Variants in MAGI3 observed in about 807,000 individuals in gnomAD.
The protein encoded by MAGI3 is membrane associated guanylate kinase, WW and PDZ domain containing 3.
Under a neutral mutation model 121.8 loss-of-function variants are expected in MAGI3, and 43 were observed. That is an observed-to-expected ratio of 0.35 (90% CI 0.28 to 0.46). The LOEUF is 0.46. Among genes scored for constraint, MAGI3 ranks in the 20% least tolerant of loss-of-function variants. The pLI, the probability that MAGI3 is intolerant of heterozygous loss-of-function variation, is 1.00. For missense variants in MAGI3, 1,547 were observed against 1,797.3 expected (o/e 0.86, Z 2.52); for synonymous variants, 553 against 639.3 (o/e 0.86, Z 2.04).
At chr1:113,682,574 G>C in intron 20 of MAGI3, 1 of 1,216,224 alleles carries the variant, frequency 8.2e-7, no homozygotes, top group Non-Finnish European at 1.0e-6. Flanking sequence ...CACGTAATTT[G>C]GTTCAGCTTT....
chr1:113,605,477 A>C (rs1649699108), intron 6 of MAGI3, among the ~76,000 whole-genome samples: 1 of 152,158 alleles, frequency 6.6e-6, no homozygotes, highest in African/African-American at 2.4e-5. Flanking sequence ...ATGACTGGGG[A>C]GAGTAGAAGT....
chr1:113,427,643 A>C (rs1653079214), intron 1 of MAGI3, among the ~76,000 whole-genome samples: 1 of 152,148 alleles, frequency 6.6e-6, no homozygotes, highest in African/African-American at 2.4e-5. Flanking sequence ...CGTACCTTCC[A>C]AAGTTTTCTT....
chr1:113,416,660 G>A (rs1652468452), intron 1 of MAGI3, among the ~76,000 whole-genome samples: 1 of 150,152 alleles, frequency 6.7e-6, no homozygotes, highest in Non-Finnish European at 1.5e-5. Context: ...AACAAATCTT[G>A]AGATACAGAT....
intron 3 of MAGI3, among the ~76,000 whole-genome samples, chr1:113,584,974 T>TC (rs1208217963): frequency 1.4e-5 from 2 of 142,736 alleles, no homozygotes; most frequent in African/African-American, 2.6e-5. Flanking sequence ...TTCCTTTTTT[T>TC]TTTTTTTTTT....
chr1:113,662,875 C>CT (rs562903320), intron 16 of MAGI3, among the ~76,000 whole-genome samples: 3 of 151,164 alleles, frequency 2.0e-5, no homozygotes, highest in Non-Finnish European at 4.4e-5. Context: ...TAGCTGTTGT[C>CT]TTTTTTTTCT....
chr1:113,562,386 G>A (rs536320877), intron 2 of MAGI3, among the ~76,000 whole-genome samples: 6 of 152,136 alleles, frequency 3.9e-5, no homozygotes, highest in Middle Eastern at 3.4e-3. Flanking sequence ...CTGGGAGACC[G>A]CGAGACTCCA....
intron 1 of MAGI3, among the ~76,000 whole-genome samples, chr1:113,420,623 T>C (rs1455023178): frequency 1.3e-5 from 2 of 152,202 alleles, no homozygotes; most frequent in Non-Finnish European, 2.9e-5. Context: ...TATTTAATCT[T>C]ACACTTTTCC....
chr1:113,642,359 G>C lies in MAGI3; in HGVS notation c.1809G>C (p.Met603Ile). The C allele has an allele frequency of 6.2e-7, 1 of 1,614,150 alleles. No individual in the cohort carries two copies. Among genetic ancestry groups the C allele is most frequent in the Non-Finnish European group, 8.5e-7 (1 of 1,180,024 alleles). Residue 603 changes from methionine (M) to isoleucine (I), a missense_variant, in exon 10 of 21, where the codon ATG (methionine) becomes ATC (isoleucine). By Grantham distance (10) the Met-to-Ile change is conservative (BLOSUM62 1). Coordinates refer to ENST00000307546, the MANE Select transcript of MAGI3 (RefSeq NM_001142782.2). ...ADSPTGQKVK[M>I]ILDSQWCQGL... Reference sequence around the variant, plus strand: ...GCCCTACTGGACAGAAGGTGAAAATGATACTGGATAGTCAGTGGTGTCAAG... The same window carrying C: ...GCCCTACTGGACAGAAGGTGAAAATCATACTGGATAGTCAGTGGTGTCAAG...
intron 9 of MAGI3, among the ~76,000 whole-genome samples, chr1:113,634,526 T>G (rs1651875731): frequency 6.6e-6 from 1 of 152,208 alleles, no homozygotes; most frequent in Non-Finnish European, 1.5e-5. Context: ...CTCAGGTTTG[T>G]CGAAGATCAG....
intron 1 of MAGI3, among the ~76,000 whole-genome samples, chr1:113,523,114 C>G (rs1658282839): frequency 6.6e-6 from 1 of 152,326 alleles, no homozygotes; most frequent in Admixed American, 6.5e-5. Context: ...CACAAGCTCT[C>G]TTTTCTTTTC....
intron 1 of MAGI3, among the ~76,000 whole-genome samples, chr1:113,477,981 C>T (rs1339902742): frequency 1.3e-5 from 2 of 152,054 alleles, no homozygotes; most frequent in Admixed American, 6.6e-5. Flanking sequence ...TTAATTTGAC[C>T]TTCAATCACT....
intron 9 of MAGI3, among the ~76,000 whole-genome samples, chr1:113,634,113 T>TTCATTGTAGATTCTGGATATTAGC (rs1246267273): frequency 3.3e-5 from 5 of 152,322 alleles, no homozygotes; most frequent in African/African-American, 1.2e-4. Flanking sequence ...TTTGTTTGAG[T>TTCATTGTAGATTCTGGATATTAGC]TCATTGTAGA....
intron 1 of MAGI3, among the ~76,000 whole-genome samples, chr1:113,533,602 A>T (rs1658827125): frequency 6.6e-6 from 1 of 152,154 alleles, no homozygotes; most frequent in Non-Finnish European, 1.5e-5. Flanking sequence ...GTTGAAAAAT[A>T]AAGATAAAAA....
rs1239079734 is a variant in MAGI3 at position 113,472,206 on chromosome 1, T to TG, written c.317-77309_317-77308insG. 1.9e-3 allele frequency among the ~76,000 whole-genome samples: 288 copies of TG among 148,712 alleles called. 3 individuals are homozygous for TG. The highest frequency in any genetic ancestry group is 6.8e-3 in the African/African-American group (279 of 40,850). On this transcript the variant is annotated intron_variant, in intron 1 of 20. Coordinates refer to ENST00000307546, the MANE Select transcript of MAGI3 (RefSeq NM_001142782.2). ...TAGGCAGCATATAGATAGATCTTGT[T>TG]TTTTTTTTTTTTTTGAGACAGAGTC...
intron 1 of MAGI3, among the ~76,000 whole-genome samples, chr1:113,540,084 AGC>A (rs1659212641): frequency 6.6e-6 from 1 of 152,192 alleles, no homozygotes; most frequent in African/African-American, 2.4e-5. Context: ...TACAGGTGTG[AGC>A]CACCATACCT....
chr1:113,427,327 C>T lies in MAGI3; in HGVS notation c.316+35978C>T, dbSNP rs117752671. Among the ~76,000 whole-genome samples the T allele has an allele frequency of 6.4e-4, 98 of 152,308 alleles. 1 individual carries two copies. The East Asian group carries it at 0.013, about 20-fold the overall frequency. ...AATCCCTCTTGCCAGTGCCATCTGG[C>T]CCCCTAACCCAGTCTCCCTTTGTGG... On this transcript the variant is annotated intron_variant, in intron 1 of 20. Coordinates refer to ENST00000307546, the MANE Select transcript of MAGI3 (RefSeq NM_001142782.2).
chr1:113,460,517 C>G (rs1654976632), intron 1 of MAGI3, among the ~76,000 whole-genome samples: 1 of 152,002 alleles, frequency 6.6e-6, no homozygotes, highest in Non-Finnish European at 1.5e-5. Context: ...TCTAGAAAAC[C>G]CAATAGTCTC....
intron 1 of MAGI3, among the ~76,000 whole-genome samples, chr1:113,442,512 T>A (rs1653966613): frequency 6.6e-6 from 1 of 151,926 alleles, no homozygotes; most frequent in African/African-American, 2.4e-5. Flanking sequence ...GCAAAAAAAA[T>A]TGGTTAACCC....
chr1:113,677,699 T>A (rs75333650), intron 19 of MAGI3, among the ~76,000 whole-genome samples: 3,530 of 152,326 alleles, frequency 0.023, 145 homozygotes, highest in African/African-American at 0.08. Flanking sequence ...TCTTTTTCCC[T>A]ATTCTTCCTA....
Sources: gnomAD v4.1 joint callset for allele counts (sites outside exome capture counted in the v4.1 genomes callset) on GRCh38, gnomAD v4.1.1 for gene constraint, MANE v1.5 for transcripts, NCBI Gene and HGNC (gene_info 2026-07-23, HGNC 2026-07-21) for gene names.